Variants in RAP1GAP2 observed in about 807,000 individuals in gnomAD.
RAP1GAP2 encodes the protein RAP1 GTPase activating protein 2.
Under a neutral mutation model 95.0 loss-of-function variants are expected in RAP1GAP2, and 27 were observed. The ratio of observed to expected loss-of-function variants is 0.28; its 90% confidence interval spans 0.21 to 0.39. The LOEUF is 0.39. Ranked by LOEUF, RAP1GAP2 falls within the 10% of genes least tolerant of loss-of-function variation. The probability of loss-of-function intolerance (pLI) is 1.00; values close to 1 mark genes in which losing one functional copy is unlikely to be tolerated. For synonymous variants in RAP1GAP2, 373 were observed against 380.9 expected (o/e 0.98, Z 0.24); for missense variants, 771 against 970.0 (o/e 0.79, Z 2.72).
At chr17:2,849,248 C>T (rs1392230905) in intron 2 of RAP1GAP2, among the ~76,000 whole-genome samples, 4 of 152,164 alleles carry the variant, frequency 2.6e-5, no homozygotes, top group African/African-American at 7.2e-5. Context: ...TCAAAGGCCC[C>T]ACCCTCCTTG....
chr17:2,929,155 C>T (rs563066797), intron 3 of RAP1GAP2, among the ~76,000 whole-genome samples: 1 of 152,160 alleles, frequency 6.6e-6, no homozygotes, highest in Non-Finnish European at 1.5e-5. Context: ...ATCCCTGGAG[C>T]CCAGGCATTT....
chr17:2,933,784 GCTTAGAC>G (rs541323143), intron 3 of RAP1GAP2, among the ~76,000 whole-genome samples: 234 of 152,358 alleles, frequency 1.5e-3, no homozygotes, highest in African/African-American at 5.0e-3. Context: ...CCACTAAGAG[GCTTAGAC>G]CTGAAGCTGA....
In RAP1GAP2 at chr17:2,903,059, C is replaced by T. The variant is rs560463931; in HGVS notation, c.81-2225C>T. ...GGGCTGCTGTCCATCAAGGTGCCTGCGAGCCATCTCCAGAGGCCCTCTGCT... is the reference window on the plus strand; with the variant it reads ...GGGCTGCTGTCCATCAAGGTGCCTGTGAGCCATCTCCAGAGGCCCTCTGCT... On this transcript the variant is annotated intron_variant, in intron 2 of 24. Transcript: ENST00000254695. The surrounding 1 kb of genome is among the most constrained non-coding windows in gnomAD (Gnocchi z 4.1). Among the ~76,000 whole-genome samples, 28 of 152,278 alleles carry T rather than the reference C, an allele frequency of 1.8e-4. No individual in the cohort carries two copies. Among genetic ancestry groups the T allele is most frequent in the Non-Finnish European group, 3.5e-4 (24 of 68,022 alleles).
In RAP1GAP2 at chr17:2,988,659, G is replaced by A. The variant is rs543051782; in HGVS notation, c.814-2638G>A. On this transcript the variant is annotated intron_variant, in intron 11 of 24. Coordinates refer to ENST00000254695, the MANE Select transcript of RAP1GAP2 (RefSeq NM_015085.5). ...TTTGGCTATTATGAATAAAGTTGCT[G>A]TGAACATCTGTATATAGGTTTTTGT... 3.9e-5 allele frequency among the ~76,000 whole-genome samples: 6 copies of A among 152,292 alleles called. No individual in the cohort carries two copies. In the East Asian group the frequency reaches 9.6e-4, roughly 24 times the overall value.
chr17:2,802,118 G>A (rs1221485844), intron 2 of RAP1GAP2, among the ~76,000 whole-genome samples: 2 of 152,060 alleles, frequency 1.3e-5, no homozygotes, highest in South Asian at 2.1e-4. Context: ...CCAATGAATC[G>A]CCCTCCTTCC....
chr17:3,016,447 G>A (rs1030842290), intron 17 of RAP1GAP2, among the ~76,000 whole-genome samples: 1 of 152,250 alleles, frequency 6.6e-6, no homozygotes, highest in African/African-American at 2.4e-5. Context: ...GTGAACAACA[G>A]ATAATATTCG....
Position 3,037,677 on chromosome 17 carries a change from T to TTCTAAAAG in RAP1GAP2, c.*4316_*4317insTCTAAAAG, listed in dbSNP as rs2047510931. On this transcript the variant is annotated 3_prime_UTR_variant, in exon 25 of 25. Coordinates refer to ENST00000254695, the MANE Select transcript of RAP1GAP2 (RefSeq NM_015085.5). ...AAACAAATTCTAAAAGGTTGACAAA[T>TTCTAAAAG]GTATATTTTGTTGCTTAAATGTGTC... The TTCTAAAAG allele has an allele frequency of 6.6e-6, 1 of 152,470 alleles. No individual in the cohort carries two copies. Among genetic ancestry groups the TTCTAAAAG allele is most frequent in the African/African-American group, 2.4e-5 (1 of 41,396 alleles). 9.4% of individuals were successfully genotyped at this position (152,470 alleles called of 1,614,324 possible).
At chr17:2,762,840 C>G (rs992399727) in intron 1 of RAP1GAP2, among the ~76,000 whole-genome samples, 1 of 151,942 alleles carries the variant, frequency 6.6e-6, no homozygotes, top group Non-Finnish European at 1.5e-5. Flanking sequence ...CCATACCTGG[C>G]TAATTATTTA....
chr17:2,783,434 G>C (rs1482680877), intron 1 of RAP1GAP2, among the ~76,000 whole-genome samples: 2 of 152,214 alleles, frequency 1.3e-5, no homozygotes, highest in Non-Finnish European at 2.9e-5. Flanking sequence ...TTGGAACACA[G>C]TAGGGATGCA....
upstream of RAP1GAP2, among the ~76,000 whole-genome samples, chr17:2,773,978 A>G (rs945520878): frequency 3.3e-5 from 5 of 151,976 alleles, no homozygotes; most frequent in African/African-American, 4.8e-5. Flanking sequence ...GGCTGGTCTC[A>G]AACTCCTGCC....
At position 2,975,190 on chromosome 17, in the gene RAP1GAP2, A is replaced by G. The variant is rs185379432; in HGVS notation, c.597-5097A>G. Among the ~76,000 whole-genome samples the G allele has an allele frequency of 4.3e-4, 66 of 152,332 alleles. 1 individual carries two copies. The highest frequency in any genetic ancestry group is 4.3e-3 in the Admixed American group (65 of 15,290). ...GGTTGCAGTGAGCTGAAATTGCGCC[A>G]CAATACTACTCCAGCAGGTGACAGA... On this transcript the variant is annotated intron_variant, in intron 8 of 24. Transcript: ENST00000254695.
chr17:2,922,458 G>C (rs2042811384), intron 3 of RAP1GAP2, among the ~76,000 whole-genome samples: 1 of 152,206 alleles, frequency 6.6e-6, no homozygotes, highest in East Asian at 1.9e-4. Context: ...TACGGGGTCA[G>C]GGCTGCCCTC....
chr17:2,797,750 T>A lies in RAP1GAP2; in HGVS notation c.44+1179T>A. ...CCTGTGTCTGCTCTCGGGCCCTCCC[T>A]GACGCCTGGATCTGGGAGCTGCCAC... On this transcript the variant is annotated intron_variant, in intron 1 of 24. Transcript: ENST00000254695. This position sits in a 1 kb window ranked among gnomAD's most constrained non-coding sequence, Gnocchi z 5.6. 1.0e-6 allele frequency: 1 copy of A among 985,402 alleles called. No homozygotes were observed. The highest frequency in any genetic ancestry group is 1.2e-6 in the Non-Finnish European group (1 of 829,920). 61.0% of individuals were successfully genotyped at this position (985,402 alleles called of 1,614,324 possible).
intron 11 of RAP1GAP2, 49 bp downstream of exon 11, chr17:2,985,115 T>C: frequency 6.2e-7 from 1 of 1,610,126 alleles, no homozygotes; most frequent in South Asian, 1.1e-5. Context: ...GTTTCTCACT[T>C]AGGACTCTTT....
intron 3 of RAP1GAP2, among the ~76,000 whole-genome samples, chr17:2,917,998 A>G (rs1301401172): frequency 2.0e-5 from 3 of 151,738 alleles, no homozygotes; most frequent in African/African-American, 7.3e-5. Context: ...TTACAGGCAT[A>G]AGCCACTGCA....
At chr17:2,950,168 C>T (rs916836863) in intron 3 of RAP1GAP2, among the ~76,000 whole-genome samples, 6 of 151,926 alleles carry the variant, frequency 3.9e-5, no homozygotes, top group African/African-American at 1.5e-4. Context: ...ATTCTCCTGC[C>T]TCAGCCTCCC....
upstream of RAP1GAP2, among the ~76,000 whole-genome samples, chr17:2,776,699 C>T (rs2068508136): frequency 6.7e-6 from 1 of 149,366 alleles, no homozygotes; most frequent in Admixed American, 6.7e-5. Context: ...GCGTGCGCGG[C>T]GGCGGCGGCG....
chr17:2,819,406 C>G (rs2070182106), intron 2 of RAP1GAP2, among the ~76,000 whole-genome samples: 1 of 151,502 alleles, frequency 6.6e-6, no homozygotes, highest in Non-Finnish European at 1.5e-5. Context: ...ACCTCTGCCT[C>G]CTGGGTACAA....
intron 1 of RAP1GAP2, among the ~76,000 whole-genome samples, chr17:2,779,470 A>G (rs1203285890): frequency 1.3e-5 from 2 of 152,130 alleles, no homozygotes; most frequent in Non-Finnish European, 2.9e-5. Context: ...CAGGGGCCAG[A>G]CTGCTGACCT....
Sources: allele counts gnomAD v4.1 joint callset (sites outside exome capture counted in the v4.1 genomes callset), GRCh38; gene constraint gnomAD v4.1.1; non-coding constraint Gnocchi (gnomAD v3.1); transcripts MANE v1.5; gene names NCBI Gene and HGNC (gene_info 2026-07-23, HGNC 2026-07-21).